The following P2RY8 variants were observed in gnomAD, a reference collection of about 807,000 sequenced individuals.
P2RY8 encodes the protein P2Y receptor family member 8.
A neutral mutation model predicts 10.0 loss-of-function variants in P2RY8; 6 were observed. That is an observed-to-expected ratio of 0.60 (90% CI 0.33 to 1.19). The LOEUF (loss-of-function observed/expected upper bound fraction) is 1.19. Among genes scored for constraint, P2RY8 ranks in the 50% most tolerant of loss-of-function variants. The pLI, the probability that P2RY8 is intolerant of heterozygous loss-of-function variation, is 0.04. For synonymous variants in P2RY8, 276 were observed against 252.5 expected, an observed-to-expected ratio of 1.09 and a Z score of -0.88; for missense variants, 456 against 542.0, an observed-to-expected ratio of 0.84 and a Z score of 1.58.
chrX:1,478,246 C>CGTGTGTGTGTGTGTGTGTGTGTGTGTGT (rs1389734508), intron 1 of P2RY8, among the ~76,000 whole-genome samples: 1 of 141,168 alleles, frequency 7.1e-6, no homozygotes, highest in African/African-American at 2.8e-5. Flanking sequence ...TGCTGGCAGG[C>CGTGTGTGTGTGTGTGTGTGTGTGTGTGT]GTATGTGTGT....
chrX:1,480,279 GTTTCTTTCT>G (rs1176966179), intron 1 of P2RY8, among the ~76,000 whole-genome samples: 2 of 146,696 alleles, frequency 1.4e-5, no homozygotes, highest in African/African-American at 5.0e-5. Flanking sequence ...AGGTTGACAT[GTTTCTTTCT>G]TTTCTTTCTT....
chrX:1,510,386 G>A (rs2092290262), intron 1 of P2RY8, among the ~76,000 whole-genome samples: 1 of 152,138 alleles, frequency 6.6e-6, no homozygotes, highest in Admixed American at 6.6e-5. Context: ...GCTTGGAGAT[G>A]AACAATATGA....
Position 1,465,559 on chromosome X carries a change from GCA to G in P2RY8, c.998_999del (p.Val333AlafsTer9), listed in dbSNP as rs2091656434. ...ESLFSARTTS[V>X]RSEAGAHPEG... ...TCAGGGTGCGCACCGGCCTCGGAGC[GCA>G]CGGACGTGGTCCTGGCGGAGAAGAG... On this transcript the variant is annotated frameshift_variant, in exon 2 of 2. Coordinates refer to ENST00000381297, the MANE Select transcript of P2RY8 (RefSeq NM_178129.5). LOFTEE classifies it low-confidence loss of function (END_TRUNC). 1 of 1,612,320 alleles carries G rather than the reference GCA, an allele frequency of 6.2e-7. No homozygotes were observed. The highest frequency in any genetic ancestry group is 1.1e-5 in the South Asian group (1 of 91,044).
intron 1 of P2RY8, among the ~76,000 whole-genome samples, chrX:1,501,544 G>A (rs1477649554): frequency 6.6e-6 from 1 of 151,840 alleles, no homozygotes; most frequent in Admixed American, 6.6e-5. Context: ...TATTTTTGTA[G>A]ACATAGGGGT....
chrX:1,502,496 G>A (rs1246929340), intron 1 of P2RY8, among the ~76,000 whole-genome samples: 12 of 152,062 alleles, frequency 7.9e-5, no homozygotes, highest in South Asian at 2.1e-4. Context: ...ACGCTTTGCC[G>A]AAGAGCCCCT....
intron 1 of P2RY8, among the ~76,000 whole-genome samples, chrX:1,503,789 GGAGGCT>G (rs1291694895): frequency 6.6e-6 from 1 of 152,082 alleles, no homozygotes. Flanking sequence ...CAGCTAATCA[GGAGGCT>G]GAGGCAGGAG....
intron 1 of P2RY8, among the ~76,000 whole-genome samples, chrX:1,524,705 CCACTCATCCATT>C (rs1569538720): frequency 2.4e-3 from 204 of 84,104 alleles, no homozygotes; most frequent in Middle Eastern, 6.8e-3. Context: ...ATCCATCCAT[CCACTCATCCATT>C]CATCCATCCA....
intron 1 of P2RY8, among the ~76,000 whole-genome samples, chrX:1,523,768 C>T (rs1472045419): frequency 1.4e-4 from 21 of 152,154 alleles, no homozygotes; most frequent in African/African-American, 4.6e-4. Context: ...TCACAACTTC[C>T]GCCTCCCGGG....
intron 1 of P2RY8, among the ~76,000 whole-genome samples, chrX:1,497,051 T>C (rs564673824): frequency 2.9e-4 from 43 of 149,312 alleles, no homozygotes; most frequent in African/African-American, 9.9e-4. Flanking sequence ...AAACCCTGTC[T>C]CTACTTAAAA....
intron 1 of P2RY8, among the ~76,000 whole-genome samples, chrX:1,524,481 T>TCATC (rs2092417928): frequency 1.2e-5 from 1 of 80,786 alleles, no homozygotes; most frequent in Non-Finnish European, 2.5e-5. Context: ...ATTCATCCAC[T>TCATC]CATCCATCCA....
chrX:1,519,678 T>A (rs1249913995), intron 1 of P2RY8, among the ~76,000 whole-genome samples: 1 of 152,054 alleles, frequency 6.6e-6, no homozygotes, highest in African/African-American at 2.4e-5. Context: ...TTCTCTCTGA[T>A]CCACAATCAT....
chrX:1,527,300 T>C (rs1174665606), intron 1 of P2RY8, among the ~76,000 whole-genome samples: 1 of 152,154 alleles, frequency 6.6e-6, no homozygotes, highest in Admixed American at 6.5e-5. Context: ...TATTCATTCC[T>C]TATCCATCCA....
At chrX:1,535,540 G>A (rs1262107740) in intron 1 of P2RY8, among the ~76,000 whole-genome samples, 2 of 151,940 alleles carry the variant, frequency 1.3e-5, no homozygotes, top group Non-Finnish European at 2.9e-5. Flanking sequence ...GGCTATGCAA[G>A]GAGGAACGGA....
intron 1 of P2RY8, among the ~76,000 whole-genome samples, chrX:1,475,841 G>A (rs1311444802): frequency 1.3e-5 from 2 of 152,146 alleles, no homozygotes; most frequent in Non-Finnish European, 2.9e-5. Context: ...TTACTGTTGA[G>A]AAATGTCCAA....
chrX:1,487,954 T>TA (rs1269814212), intron 1 of P2RY8, among the ~76,000 whole-genome samples: 8 of 151,818 alleles, frequency 5.3e-5, no homozygotes, highest in Non-Finnish European at 1.5e-5. Flanking sequence ...ACTAAAACTA[T>TA]AAAAAATTAG....
At chrX:1,490,547 T>C (rs1433503485) in intron 1 of P2RY8, among the ~76,000 whole-genome samples, 2 of 144,556 alleles carry the variant, frequency 1.4e-5, no homozygotes, top group African/African-American at 5.2e-5. Flanking sequence ...ATACCCCGGA[T>C]TCACTTCTGC....
At chrX:1,532,144 G>A (rs1185879126) in intron 1 of P2RY8, among the ~76,000 whole-genome samples, 1 of 151,948 alleles carries the variant, frequency 6.6e-6, no homozygotes, top group East Asian at 1.9e-4. Flanking sequence ...ACTTGCACAG[G>A]CATGTTTATA....
chrX:1,508,078 T>C (rs1175347202), intron 1 of P2RY8, among the ~76,000 whole-genome samples: 1 of 151,944 alleles, frequency 6.6e-6, no homozygotes, highest in African/African-American at 2.4e-5. Context: ...GCCCTGTGGG[T>C]TTGGGGGAAA....
rs1334609771 is a variant in P2RY8, at chrX:1,499,984, G to A, written c.-24-33402C>T. Among the ~76,000 whole-genome samples the A allele has an allele frequency of 9.8e-5, 13 of 132,026 alleles. 1 individual carries two copies. Among genetic ancestry groups the A allele is most frequent in the Non-Finnish European group, 6.8e-5 (4 of 58,402 alleles). 86.6% of individuals were successfully genotyped at this position (132,026 alleles called of 152,430 possible). A position where few individuals can be genotyped will look rare whatever the true frequency, so the allele number is the denominator to read the frequency against. The stretch of plus-strand genomic sequence containing the variant: ...CGCCATTCTCCTGCCTCAGCCTCCC[G>A]AGTAGCTGGGACTACAGGCGTGTAC... On this transcript the variant is annotated intron_variant, in intron 1 of 1. Transcript: ENST00000381297.
Sources: allele counts gnomAD v4.1 joint callset (sites outside exome capture counted in the v4.1 genomes callset), GRCh38; gene constraint gnomAD v4.1.1; transcripts MANE v1.5; gene names NCBI Gene and HGNC (gene_info 2026-07-23, HGNC 2026-07-21).